The following NUTM2G variants were observed in gnomAD, a reference collection of about 807,000 sequenced individuals.
NUTM2G encodes NUT family member 2G, also known as family with sequence similarity 22, member G.
Under a neutral mutation model 44.3 loss-of-function variants are expected in NUTM2G, and 29 were observed. The ratio of observed to expected loss-of-function variants is 0.66; its 90% CI spans 0.49 to 0.89. The LOEUF (loss-of-function observed/expected upper bound fraction) is 0.89, where lower values mean the gene tolerates loss of function less well. NUTM2G is among the 40% of genes least tolerant of loss of function. NUTM2G has a pLI of 0.00. For synonymous variants in NUTM2G, 205 were observed against 395.9 expected, an observed-to-expected ratio of 0.52 and a Z score of 5.72; for missense variants, 502 against 946.5, an observed-to-expected ratio of 0.53 and a Z score of 6.16.
downstream of NUTM2G, among the ~76,000 whole-genome samples, chr9:96,940,925 C>T (rs1250430922): frequency 6.6e-6 from 1 of 152,124 alleles, no homozygotes; most frequent in Non-Finnish European, 1.5e-5. Flanking sequence ...GGCAGGGCTT[C>T]CCCAGCTGAG....
intron 1 of NUTM2G, among the ~76,000 whole-genome samples, chr9:96,930,894 T>G (rs1207049161): frequency 9.6e-5 from 8 of 83,630 alleles, no homozygotes; most frequent in African/African-American, 4.4e-4. Flanking sequence ...TTTTTTTTTT[T>G]TTTTTTTTTT....
intron 3 of NUTM2G, 43 bp from the exon 4 acceptor site, chr9:96,936,382 G>A (rs750838103): frequency 1.3e-6 from 2 of 1,551,864 alleles, no homozygotes; most frequent in Admixed American, 1.9e-5. Context: ...GGGGGAGGGG[G>A]CCTGGACCCT....
In NUTM2G at chr9:96,936,458, G is replaced by C. The variant is rs1322282307; in HGVS notation, c.876G>C (p.Gln292His). 6.3e-7 allele frequency: 1 copy of C among 1,575,992 alleles called. No individual in the cohort carries two copies. Among genetic ancestry groups the C allele is most frequent in the African/African-American group, 1.3e-5 (1 of 74,446 alleles). Residue 292 changes from glutamine (Q) to histidine (H), a missense_variant, in exon 4 of 7, where the codon CAG becomes CAC. Coordinates refer to ENST00000372322, the MANE Select transcript of NUTM2G (RefSeq NM_001170741.3). ...FLEFEAEEEM[Q>H]IQKSQWMKGP... ...AGTTTGAGGCTGAGGAGGAGATGCA[G>C]ATTCAGAAATCGCAGTGGATGAAGG...
chr9:96,937,739 C>A (rs1826486180), intron 5 of NUTM2G, 146 bp from the exon 6 acceptor site: 10 of 1,002,152 alleles, frequency 1.0e-5, no homozygotes, highest in Non-Finnish European at 1.5e-5. Flanking sequence ...GTGGTCTGTG[C>A]GTGTAGCTGG....
intron 2 of NUTM2G, among the ~76,000 whole-genome samples, chr9:96,934,371 C>T (rs893807957): frequency 9.9e-5 from 15 of 151,856 alleles, no homozygotes; most frequent in African/African-American, 3.4e-4. Flanking sequence ...TCCCGTCTTC[C>T]TCCCCAACAG....
At chr9:96,942,583 C>T (rs376616558), downstream of NUTM2G, 305 of 117,992 alleles carry the variant, frequency 2.6e-3, 16 homozygotes, top group East Asian at 0.067. Context: ...CAAATGTATC[C>T]GGACTAAGGT....
rs1826245711 is a variant in NUTM2G at position 96,931,646 on chromosome 9, G to A, written c.17-76G>A. The A allele has an allele frequency of 2.6e-6, 4 of 1,556,046 alleles. No homozygotes were observed. In the Admixed American group the frequency reaches 5.3e-5, roughly 21 times the overall value. ...CCTGTCACATGCCCTCAGCTGTTGG[G>A]ACTCCCCTGATTCCCCAGTGACTAG... On this transcript the variant is annotated intron_variant, in intron 1 of 6. Transcript: ENST00000372322.
intron 5 of NUTM2G, among the ~76,000 whole-genome samples, chr9:96,937,673 T>C (rs184694418): frequency 1.3e-5 from 2 of 150,582 alleles, no homozygotes; most frequent in East Asian, 1.9e-4. Context: ...TGTACATGGG[T>C]CTGTGTGTCT....
intron 5 of NUTM2G, among the ~76,000 whole-genome samples, chr9:96,937,626 G>C (rs901748005): frequency 6.6e-6 from 1 of 152,078 alleles, no homozygotes; most frequent in South Asian, 2.1e-4. Context: ...TGTGAGTCTG[G>C]AGTGTGTATG....
intron 1 of NUTM2G, among the ~76,000 whole-genome samples, chr9:96,930,661 C>A (rs536719387): frequency 2.7e-4 from 41 of 149,434 alleles, no homozygotes; most frequent in Middle Eastern, 6.8e-3. Context: ...GGGGACTCCA[C>A]CACTGCTTCT....
intron 4 of NUTM2G, among the ~76,000 whole-genome samples, 195 bp downstream of exon 4, chr9:96,936,759 T>A (rs747822682): frequency 6.6e-6 from 1 of 152,082 alleles, no homozygotes; most frequent in African/African-American, 2.4e-5. Flanking sequence ...CGAAGCAGGG[T>A]ATTGACCGGG....
rs553400928 is a variant in NUTM2G, at chr9:96,935,978, G to A, written c.843-447G>A. Among the ~76,000 whole-genome samples the A allele has an allele frequency of 8.7e-3, 1,303 of 149,804 alleles. 10 individuals carry two copies. Among genetic ancestry groups the A allele is most frequent in the African/African-American group, 0.031 (1,243 of 40,494 alleles). On this transcript the variant is annotated intron_variant, in intron 3 of 6. Transcript: ENST00000372322. The stretch of plus-strand genomic sequence containing the variant: ...GACAGACAGCAGCCTCAGGGGAAAC[G>A]GGCCCTGTCCTCTGGGCTCAGCTTT...
chr9:96,940,467 C>T (rs1826565528), downstream of NUTM2G, among the ~76,000 whole-genome samples: 3 of 150,292 alleles, frequency 2.0e-5, no homozygotes, highest in Admixed American at 2.0e-4. Context: ...ATGTGGCCGA[C>T]CTCTGCCCCC....
intron 1 of NUTM2G, among the ~76,000 whole-genome samples, chr9:96,929,667 G>A (rs1430717040): frequency 5.3e-5 from 8 of 150,704 alleles, no homozygotes; most frequent in Non-Finnish European, 1.0e-4. Context: ...TTTAACAGGG[G>A]TGGGGGCAGA....
intron 5 of NUTM2G, 58 bp downstream of exon 5, chr9:96,937,462 C>G: frequency 6.6e-7 from 1 of 1,507,100 alleles, no homozygotes; most frequent in Non-Finnish European, 9.1e-7. Context: ...ACTTCCAGGT[C>G]CTTGGAATTA....
chr9:96,936,891 C>T (rs1014042044), intron 4 of NUTM2G, among the ~76,000 whole-genome samples, 173 bp from the exon 5 acceptor site: 17 of 152,200 alleles, frequency 1.1e-4, no homozygotes, highest in African/African-American at 3.4e-4. Flanking sequence ...TCCTCCCAAG[C>T]GATGCTGTCT....
intron 3 of NUTM2G, among the ~76,000 whole-genome samples, chr9:96,936,060 G>A (rs947274532): frequency 6.0e-5 from 9 of 149,338 alleles, no homozygotes; most frequent in Non-Finnish European, 1.2e-4. Flanking sequence ...ATCCTTCAGG[G>A]GCCCACAGTC....
At chr9:96,935,172 G>A (rs548200193) in intron 2 of NUTM2G, among the ~76,000 whole-genome samples, 156 bp from the exon 3 acceptor site, 1 of 152,318 alleles carries the variant, frequency 6.6e-6, no homozygotes, top group African/African-American at 2.4e-5. Flanking sequence ...GATCTTGGGG[G>A]TGTGTCCTGG....
At chr9:96,941,251 A>G (rs1378824654), downstream of NUTM2G, among the ~76,000 whole-genome samples, 8 of 148,708 alleles carry the variant, frequency 5.4e-5, no homozygotes, top group African/African-American at 2.0e-4. Context: ...GTTTTGGCTG[A>G]GCCATTTCCA....
Sources: allele counts gnomAD v4.1 joint callset (sites outside exome capture counted in the v4.1 genomes callset), GRCh38; gene constraint gnomAD v4.1.1; transcripts MANE v1.5; gene names NCBI Gene and HGNC (gene_info 2026-07-23, HGNC 2026-07-21).